Variants in PCDHA1 observed in about 807,000 individuals in gnomAD.
PCDHA1 encodes the protein protocadherin alpha 1.
In PCDHA1, 42 loss-of-function variants were observed where a neutral mutation model predicts 61.3. The ratio of observed to expected loss-of-function variants is 0.69; its 90% CI spans 0.54 to 0.89. The LOEUF is 0.89. Ranked by LOEUF, PCDHA1 falls within the 40% of genes least tolerant of loss-of-function variation. The pLI is 0.00. For synonymous variants in PCDHA1, 610 were observed against 553.8 expected, an observed-to-expected ratio of 1.10 and a Z score of -1.43; for missense variants, 1,256 against 1,235.3, an observed-to-expected ratio of 1.02 and a Z score of -0.25.
chr5:140,945,183 A>G (rs1445694327), intron 1 of PCDHA1, among the ~76,000 whole-genome samples: 6 of 152,160 alleles, frequency 3.9e-5, no homozygotes, highest in Admixed American at 2.6e-4. Context: ...TAAATCAAGA[A>G]AACCATGCTA....
chr5:140,937,343 A>G (rs1412775724), intron 1 of PCDHA1, among the ~76,000 whole-genome samples: 1 of 151,948 alleles, frequency 6.6e-6, no homozygotes, highest in Non-Finnish European at 1.5e-5. Context: ...GGCTTCTTCC[A>G]TTTATTTTAT....
At chr5:140,884,152 T>G (rs1279761986) in intron 1 of PCDHA1, 7 of 1,613,332 alleles carry the variant, frequency 4.3e-6, no homozygotes, top group East Asian at 2.2e-5. Context: ...GGCTGTACAC[T>G]GGCGAGATCA....
chr5:140,868,748 T>C (rs991826043), intron 1 of PCDHA1: 2 of 213,606 alleles, frequency 9.4e-6, no homozygotes, highest in Non-Finnish European at 1.9e-5. Context: ...ACAATGCCAT[T>C]TCCATATATA....
At chr5:140,822,812 C>A in intron 1 of PCDHA1, 2 of 1,614,074 alleles carry the variant, frequency 1.2e-6, no homozygotes, top group Non-Finnish European at 1.7e-6. Flanking sequence ...AATGATAATA[C>A]CCCAGAGATG....
chr5:140,881,463 T>C, intron 1 of PCDHA1: 1 of 599,796 alleles, frequency 1.7e-6, no homozygotes, highest in Non-Finnish European at 2.1e-6. Flanking sequence ...CCTTAGAGCA[T>C]TGTTGTGGCT....
At chr5:140,923,376 A>T (rs1331786466) in intron 1 of PCDHA1, among the ~76,000 whole-genome samples, 5 of 152,086 alleles carry the variant, frequency 3.3e-5, no homozygotes, top group Non-Finnish European at 7.3e-5. Flanking sequence ...ATATTTTTAA[A>T]AATTAGTTGG....
At chr5:140,955,705 T>G (rs1554222053) in intron 1 of PCDHA1, among the ~76,000 whole-genome samples, 1 of 152,232 alleles carries the variant, frequency 6.6e-6, no homozygotes, top group East Asian at 1.9e-4. Context: ...CAATGGAAGT[T>G]TAATAGGAAT....
At chr5:140,840,258 A>T (rs1776629657) in intron 1 of PCDHA1, among the ~76,000 whole-genome samples, 1 of 151,990 alleles carries the variant, frequency 6.6e-6, no homozygotes, top group South Asian at 2.1e-4. Context: ...AAAAATTGTG[A>T]TTTTTTAATG....
At chr5:140,947,106 C>T (rs1172898991) in intron 1 of PCDHA1, among the ~76,000 whole-genome samples, 2 of 151,140 alleles carry the variant, frequency 1.3e-5, no homozygotes, top group Non-Finnish European at 3.0e-5. Context: ...TAAATAGGTA[C>T]GTGTCAATTA....
At chr5:140,788,735 G>T in intron 1 of PCDHA1, 51 bp downstream of exon 1, 3 of 1,491,046 alleles carry the variant, frequency 2.0e-6, no homozygotes, top group South Asian at 2.8e-5. Context: ...TATTTAACTT[G>T]TCTAATCATC....
At chr5:140,877,736 G>A (rs979836328) in intron 1 of PCDHA1, 22 of 1,614,170 alleles carry the variant, frequency 1.4e-5, no homozygotes, top group East Asian at 2.2e-5. Flanking sequence ...CAGCAGAGGA[G>A]GCAGAGGGTG....
chr5:140,829,852 A>C (rs2150176201), intron 1 of PCDHA1: 6 of 1,613,824 alleles, frequency 3.7e-6, no homozygotes, highest in Non-Finnish European at 5.1e-6. Flanking sequence ...CACTGGGTGC[A>C]GGCCAAGTGG....
intron 1 of PCDHA1, chr5:140,835,711 T>A: frequency 6.2e-7 from 1 of 1,613,776 alleles, no homozygotes; most frequent in Non-Finnish European, 8.5e-7. Context: ...AGCGTGTCCG[T>A]GGAGGTGGCC....
intron 1 of PCDHA1, chr5:140,966,588 G>A: frequency 3.6e-6 from 2 of 558,362 alleles, no homozygotes; most frequent in Non-Finnish European, 5.7e-6. Flanking sequence ...GAGGACGGTG[G>A]GGCCAGGAGC....
At chr5:140,955,343 A>G (rs1031411707) in intron 1 of PCDHA1, among the ~76,000 whole-genome samples, 16 of 152,134 alleles carry the variant, frequency 1.1e-4, no homozygotes, top group African/African-American at 3.9e-4. Context: ...TAATCCCCAC[A>G]TGTTGTGAGA....
chr5:140,816,041 C>T (rs1016495184), intron 1 of PCDHA1: 2 of 152,064 alleles, frequency 1.3e-5, no homozygotes, highest in Non-Finnish European at 2.9e-5. Context: ...TGTCCATTTC[C>T]TTCCTCATAT....
intron 1 of PCDHA1, chr5:140,849,250 C>T: frequency 9.2e-7 from 1 of 1,091,342 alleles, no homozygotes; most frequent in Non-Finnish European, 1.3e-6. Context: ...GTGAAATTAC[C>T]AGAAAACGTT....
rs2150471496 is a variant in PCDHA1 at position 140,850,180 on chromosome 5, C to T, written c.2394+61496C>T. On this transcript the variant is annotated intron_variant, in intron 1 of 3. Coordinates refer to ENST00000504120, the MANE Select transcript of PCDHA1 (RefSeq NM_018900.4). ...TTCGTGCTGGACGAGAACGACAATG[C>T]GCCGGCGCTGCTGACACCTCGGATG... 73 of 1,593,798 alleles carry T rather than the reference C, an allele frequency of 4.6e-5. 10 individuals carry two copies. The Middle Eastern group carries it at 1.0e-3, about 23-fold the overall frequency.
intron 1 of PCDHA1, chr5:140,805,108 C>T (rs1763510093): frequency 2.5e-6 from 4 of 1,590,030 alleles, no homozygotes; most frequent in Non-Finnish European, 3.4e-6. Context: ...AAACTATTGT[C>T]TAACAAGACT....
Sources: allele counts gnomAD v4.1 joint callset (sites outside exome capture counted in the v4.1 genomes callset), GRCh38; gene constraint gnomAD v4.1.1; transcripts MANE v1.5; gene names NCBI Gene and HGNC (gene_info 2026-07-23, HGNC 2026-07-21).